Variants in DHX57 observed in about 807,000 individuals in gnomAD.
DHX57 encodes the protein putative ATP-dependent RNA helicase DHX57.
Under a neutral mutation model 156.2 loss-of-function variants are expected in DHX57, and 105 were observed. The observed-to-expected ratio is 0.67, with a 90% confidence interval of 0.57 to 0.79. The LOEUF is 0.79. DHX57 is among the 30% of genes least tolerant of loss of function. The pLI is 0.00. For missense variants in DHX57, 1,847 were observed against 1,661.9 expected (o/e 1.11, Z -1.94); for synonymous variants, 704 against 595.6 (o/e 1.18, Z -2.65).
chr2:38,803,586 C>T (rs181445047), intron 22 of DHX57, among the ~76,000 whole-genome samples: 1 of 151,576 alleles, frequency 6.6e-6, no homozygotes, highest in East Asian at 1.9e-4. Flanking sequence ...CCCCTAGGTT[C>T]AAGTGATTCT....
At chr2:38,857,435 G>C (rs1298742917) in intron 6 of DHX57, among the ~76,000 whole-genome samples, 1 of 152,118 alleles carries the variant, frequency 6.6e-6, no homozygotes, top group African/African-American at 2.4e-5. Flanking sequence ...ACAGGAACTT[G>C]CTATTTCCTA....
chr2:38,812,841 C>CTTGTTTTTTTGT (rs1670327202), intron 21 of DHX57, among the ~76,000 whole-genome samples: 1 of 132,624 alleles, frequency 7.5e-6, no homozygotes, highest in Admixed American at 7.5e-5. Context: ...CCCTTATTTA[C>CTTGTTTTTTTGT]TTGTTTGTTT....
chr2:38,868,825 T>C (rs1160910478), intron 1 of DHX57, among the ~76,000 whole-genome samples: 1 of 152,108 alleles, frequency 6.6e-6, no homozygotes, highest in Admixed American at 6.5e-5. Flanking sequence ...TTTATTTATT[T>C]ATTTAGAGAT....
intron 1 of DHX57, among the ~76,000 whole-genome samples, chr2:38,871,945 T>C (rs1665376277): frequency 6.6e-6 from 1 of 152,184 alleles, no homozygotes; most frequent in Non-Finnish European, 1.5e-5. Flanking sequence ...CTTGACCTTG[T>C]GATCCGCCTG....
chr2:38,811,301 T>C (rs1486242161), intron 21 of DHX57: 1 of 525,394 alleles, frequency 1.9e-6, no homozygotes, highest in Non-Finnish European at 3.8e-6. Flanking sequence ...AAACCAGACC[T>C]GATCGTTCCC....
intron 22 of DHX57, 99 bp downstream of exon 22, chr2:38,806,460 G>T: frequency 3.8e-6 from 5 of 1,320,462 alleles, no homozygotes; most frequent in Non-Finnish European, 4.2e-6. Flanking sequence ...GTATTGCTGG[G>T]GACAGCAAGT....
intron 19 of DHX57, 64 bp from the exon 20 acceptor site, chr2:38,815,719 A>T (rs1159361953): frequency 1.3e-6 from 2 of 1,598,172 alleles, no homozygotes; most frequent in African/African-American, 2.7e-5. Context: ...AGTCTTACAA[A>T]AATGAGTGAT....
intron 21 of DHX57, 41 bp from the exon 22 acceptor site, chr2:38,806,734 A>G: frequency 1.9e-6 from 3 of 1,566,074 alleles, no homozygotes; most frequent in Non-Finnish European, 2.6e-6. Context: ...TATAATATAT[A>G]TATTCTCATA....
intron 21 of DHX57, chr2:38,811,173 C>A: frequency 4.0e-6 from 2 of 505,806 alleles, no homozygotes; most frequent in South Asian, 1.8e-5. Context: ...ATGGGAATCC[C>A]ATGTTTCTCT....
chr2:38,860,621 T>C (rs1042291557), intron 5 of DHX57, among the ~76,000 whole-genome samples: 1 of 152,034 alleles, frequency 6.6e-6, no homozygotes, highest in Non-Finnish European at 1.5e-5. Flanking sequence ...AAGCAAAATA[T>C]CTCTAAAAAT....
chr2:38,841,734 C>G (rs139274754), intron 12 of DHX57, among the ~76,000 whole-genome samples: 1 of 152,240 alleles, frequency 6.6e-6, no homozygotes, highest in African/African-American at 2.4e-5. Flanking sequence ...TGCTTGTAGT[C>G]TAGGCTTCAA....
At chr2:38,800,675 CTCT>C (rs1177462138) in intron 23 of DHX57, among the ~76,000 whole-genome samples, 1 of 152,164 alleles carries the variant, frequency 6.6e-6, no homozygotes, top group Non-Finnish European at 1.5e-5. Flanking sequence ...AAGTTTCTGG[CTCT>C]TCTTCTGGAC....
At chr2:38,854,390 G>C (rs1672771717) in intron 8 of DHX57, 1 of 381,184 alleles carries the variant, frequency 2.6e-6, no homozygotes, top group South Asian at 3.8e-5. Context: ...TTCATAAAAA[G>C]CATTAAAAAA....
intron 13 of DHX57, among the ~76,000 whole-genome samples, chr2:38,835,593 C>T (rs187974409): frequency 6.6e-6 from 1 of 152,222 alleles, no homozygotes; most frequent in Non-Finnish European, 1.5e-5. Context: ...TCTAATTTAG[C>T]CTCTATATGC....
At position 38,806,523 on chromosome 2, in the gene DHX57, G is replaced by A. The variant is rs200985336; in HGVS notation, c.3816+36C>T. The A allele has an allele frequency of 1.6e-5, 25 of 1,602,900 alleles. No individual in the cohort carries two copies. The East Asian group carries it at 2.0e-4, about 13-fold the overall frequency. On this transcript the variant is annotated intron_variant, in intron 22 of 23. Coordinates refer to ENST00000457308, the MANE Select transcript of DHX57 (RefSeq NM_198963.3). ...GGAATTGCATTTCCTACCCCAGGAC[G>A]ACCTGTAAACATTAAGTATACTCCA...
chr2:38,861,613 C>T lies in DHX57; in HGVS notation c.797G>A (p.Arg266Lys). ...KSICGEKFIE[R>K]IQNRVWTIGL... is the part of the protein sequence containing the mutation. ...AATGGTCCAGACTCTGTTCTGAATT[C>T]TTTCTATAAATTTTTCTCCACAGAT... is the stretch of plus-strand genomic sequence containing the variant. Residue 266 changes from arginine (R) to lysine (K), a missense_variant, in exon 5 of 24, where the codon AGA (arginine) becomes AAA (lysine). Coordinates refer to ENST00000457308, the MANE Select transcript of DHX57 (RefSeq NM_198963.3). The T allele has an allele frequency of 6.2e-7, 1 of 1,614,144 alleles. No homozygotes were observed. The highest frequency in any genetic ancestry group is 1.1e-5 in the South Asian group (1 of 91,088).
chr2:38,798,078 C>A lies in DHX57; in HGVS notation c.*221G>T. On this transcript the variant is annotated 3_prime_UTR_variant, in exon 24 of 24. Coordinates refer to ENST00000457308, the MANE Select transcript of DHX57 (RefSeq NM_198963.3). ...AAAGACAGGCAAGCTGGGTTTTAGG[C>A]TCTCACCCTTGACACTCCAAATTGT... 1 of 445,202 alleles carries A rather than the reference C, an allele frequency of 2.2e-6. No individual in the cohort carries two copies. The highest frequency in any genetic ancestry group is 4.0e-6 in the Non-Finnish European group (1 of 248,434). 27.6% of individuals were successfully genotyped at this position (445,202 alleles called of 1,614,324 possible).
rs146662521 is a variant in DHX57 at position 38,802,766 on chromosome 2, G to C, written c.3966C>G (p.Phe1322Leu). ...QVNVQLQRGE[F>L]VVSLDDGWIR... ...TCCAACCATCATCCAGGGAGACAACGAACTCTCCTCTTTGAAGCTGCACAT... is the reference window on the plus strand; with the variant it reads ...TCCAACCATCATCCAGGGAGACAACCAACTCTCCTCTTTGAAGCTGCACAT... The change falls in exon 23 of 24, where the codon TTC becomes TTG. Residue 1322 changes from phenylalanine (F) to leucine (L), a missense_variant. Physicochemically the swap from Phe to Leu is conservative, Grantham distance 22. Transcript: ENST00000457308. The C allele has an allele frequency of 1.2e-6, 2 of 1,614,102 alleles. No homozygotes were observed. Among genetic ancestry groups the C allele is most frequent in the Non-Finnish European group, 1.7e-6 (2 of 1,180,010 alleles).
chr2:38,818,651 T>TA (rs1670664385), intron 19 of DHX57, among the ~76,000 whole-genome samples: 1 of 152,052 alleles, frequency 6.6e-6, no homozygotes, highest in African/African-American at 2.4e-5. Flanking sequence ...TCCGCATAAG[T>TA]AAACAAAAAT....
Sources: allele counts gnomAD v4.1 joint callset (sites outside exome capture counted in the v4.1 genomes callset), GRCh38; gene constraint gnomAD v4.1.1; transcripts MANE v1.5; gene names NCBI Gene and HGNC (gene_info 2026-07-23, HGNC 2026-07-21).